Variants in DIP2C observed in about 807,000 individuals in gnomAD.
DIP2C encodes the protein DIP2 acetate--CoA ligase C (putative), also known as disco-interacting protein 2 homolog C.
A neutral mutation model predicts 192.4 loss-of-function variants in DIP2C; 33 were observed. That is an observed-to-expected ratio of 0.17 (90% CI 0.13 to 0.23). DIP2C has a LOEUF of 0.23. DIP2C is among the 10% of genes least tolerant of loss of function. DIP2C has a pLI of 1.00. For missense variants in DIP2C, 1,537 were observed against 2,110.1 expected, an observed-to-expected ratio of 0.73 and a Z score of 5.32; for synonymous variants, 979 against 864.1, an observed-to-expected ratio of 1.13 and a Z score of -2.33.
At chr10:339,311 G>A (rs915585829) in intron 29 of DIP2C, among the ~76,000 whole-genome samples, 16 of 152,028 alleles carry the variant, frequency 1.1e-4, no homozygotes, top group Non-Finnish European at 2.1e-4. Context: ...GAAGATTCAT[G>A]GCTATATTTA....
At position 342,163 on chromosome 10, in the gene DIP2C, CTT is replaced by C. The variant is rs943038790; in HGVS notation, c.3454-836_3454-835del. Among the ~76,000 whole-genome samples, 334 of 148,996 alleles carry C rather than the reference CTT, an allele frequency of 2.2e-3. 1 individual carries two copies. Among genetic ancestry groups the C allele is most frequent in the African/African-American group, 7.5e-3 (302 of 40,536 alleles). ...GGTTCTCGTGTAACCCACTCTCTCT[CTT>C]TTTTTTTTTTTGAGATGGAGTCTTG... On this transcript the variant is annotated intron_variant, in intron 28 of 36. Transcript: ENST00000280886.
At chr10:381,588 G>A (rs1358400990) in intron 17 of DIP2C, among the ~76,000 whole-genome samples, 8 of 152,208 alleles carry the variant, frequency 5.3e-5, no homozygotes, top group African/African-American at 9.6e-5. Flanking sequence ...GGCCGCAGCC[G>A]ACCTGACATG....
intron 8 of DIP2C, among the ~76,000 whole-genome samples, chr10:413,127 T>C (rs1326597236): frequency 2.0e-5 from 3 of 152,206 alleles, no homozygotes; most frequent in Non-Finnish European, 2.9e-5. Flanking sequence ...TGAGCCATCA[T>C]GCCAGCCTTT....
intron 1 of DIP2C, among the ~76,000 whole-genome samples, chr10:523,452 G>T (rs947427891): frequency 7.8e-6 from 1 of 127,926 alleles, no homozygotes; most frequent in South Asian, 2.5e-4. Flanking sequence ...CCACACACTC[G>T]TTTCTACTGG....
At chr10:645,074 A>G (rs963829744) in intron 1 of DIP2C, among the ~76,000 whole-genome samples, 8 of 152,180 alleles carry the variant, frequency 5.3e-5, no homozygotes, top group African/African-American at 1.9e-4. Context: ...TTCATCATGG[A>G]AATAAAGGGG....
chr10:362,728 G>A, intron 21 of DIP2C, 37 bp from the exon 22 acceptor site: 2 of 1,572,472 alleles, frequency 1.3e-6, no homozygotes, highest in East Asian at 2.2e-5. Context: ...TGTTATAAGA[G>A]GAAGTATAAA....
intron 4 of DIP2C, chr10:437,896 CCAA>C (rs1353134657): frequency 1.3e-5 from 2 of 152,118 alleles, no homozygotes; most frequent in African/African-American, 2.4e-5. Context: ...ACCACTGTTA[CCAA>C]CAACCAAGAA....
chr10:473,602 G>A (rs536702414), intron 2 of DIP2C, among the ~76,000 whole-genome samples: 46 of 147,348 alleles, frequency 3.1e-4, no homozygotes, highest in Non-Finnish European at 5.7e-4. Flanking sequence ...CAGAAAGGAC[G>A]TCATCCTACG....
At chr10:300,276 T>C (rs1955961116) in intron 32 of DIP2C, among the ~76,000 whole-genome samples, 1 of 152,180 alleles carries the variant, frequency 6.6e-6, no homozygotes. Flanking sequence ...ATGAGCCAAG[T>C]GTGGTATATA....
chr10:641,119 CA>C (rs2131941459), intron 1 of DIP2C, among the ~76,000 whole-genome samples: 1 of 141,012 alleles, frequency 7.1e-6, no homozygotes, highest in South Asian at 2.5e-4. Context: ...AGATCATTCA[CA>C]ACAAATTATT....
chr10:634,139 T>A (rs900176556), intron 1 of DIP2C, among the ~76,000 whole-genome samples: 1 of 152,144 alleles, frequency 6.6e-6, no homozygotes, highest in African/African-American at 2.4e-5. Flanking sequence ...AGCCTCCCAG[T>A]CCACAGCTCA....
In DIP2C at chr10:343,535, A is replaced by G. The variant is rs529108932; in HGVS notation, c.3453+1274T>C. On this transcript the variant is annotated intron_variant, in intron 28 of 36. Transcript: ENST00000280886. ...CGTAACTGTTTTACTATATTCATAC[A>G]GGGGAACGTAGAATTATTATAAAAT... Among the ~76,000 whole-genome samples the G allele has an allele frequency of 5.9e-5, 9 of 152,354 alleles. No individual in the cohort carries two copies. In the South Asian group the frequency reaches 1.9e-3, roughly 32 times the overall value.
chr10:604,680 T>C (rs1309175947), intron 1 of DIP2C, among the ~76,000 whole-genome samples: 2 of 152,064 alleles, frequency 1.3e-5, no homozygotes, highest in Non-Finnish European at 2.9e-5. Context: ...AGTTCTCTAA[T>C]TAAATTAATT....
At chr10:684,132 T>G (rs747034432) in intron 1 of DIP2C, among the ~76,000 whole-genome samples, 22 of 152,214 alleles carry the variant, frequency 1.4e-4, no homozygotes, top group Non-Finnish European at 1.0e-4. Context: ...AAAAGAACAT[T>G]CAAATCAAAC....
chr10:615,881 T>G (rs816607), intron 1 of DIP2C, among the ~76,000 whole-genome samples: 147,888 of 152,264 alleles, frequency 0.97, 71,971 homozygotes, highest in Middle Eastern at 1. Flanking sequence ...GATGCCAGAG[T>G]TTGCCGGCCG....
intron 1 of DIP2C, among the ~76,000 whole-genome samples, chr10:544,150 T>C (rs898645091): frequency 1.3e-5 from 2 of 151,266 alleles, no homozygotes; most frequent in Non-Finnish European, 2.9e-5. Context: ...GCGTGACCTT[T>C]GGTGTGACCT....
chr10:468,210 T>C (rs1970378407), intron 3 of DIP2C, among the ~76,000 whole-genome samples: 1 of 152,178 alleles, frequency 6.6e-6, no homozygotes, highest in Non-Finnish European at 1.5e-5. Context: ...CGTGAGCATA[T>C]ACTCTAAGTA....
intron 1 of DIP2C, among the ~76,000 whole-genome samples, chr10:537,422 G>A (rs972139905): frequency 9.2e-5 from 14 of 152,316 alleles, no homozygotes; most frequent in South Asian, 2.1e-4. Context: ...CGCAGACTCC[G>A]GTTCCTTTCA....
chr10:486,355 C>A, intron 2 of DIP2C, 104 bp downstream of exon 2: 1 of 1,136,482 alleles, frequency 8.8e-7, no homozygotes, highest in East Asian at 2.6e-5. Flanking sequence ...GACGCCTCCT[C>A]CTGCCGACTG....
Sources: gnomAD v4.1 joint callset for allele counts (sites outside exome capture counted in the v4.1 genomes callset) on GRCh38, gnomAD v4.1.1 for gene constraint, MANE v1.5 for transcripts, NCBI Gene and HGNC (gene_info 2026-07-23, HGNC 2026-07-21) for gene names.